The following CA5A variants were observed in gnomAD, a reference collection of about 807,000 sequenced individuals.
CA5A encodes carbonic anhydrase 5A, mitochondrial.
Under a neutral mutation model 37.1 loss-of-function variants are expected in CA5A, and 28 were observed. The ratio of observed to expected loss-of-function variants is 0.75; its 90% CI spans 0.56 to 1.03. CA5A has a LOEUF of 1.03. CA5A is among the 50% of genes least tolerant of loss of function. The probability of loss-of-function intolerance (pLI) is 0.00; values close to 1 mark genes in which losing one functional copy is unlikely to be tolerated. For missense variants in CA5A, 444 were observed against 399.9 expected (o/e 1.11, Z -0.94); for synonymous variants, 171 against 158.4 (o/e 1.08, Z -0.60).
intron 2 of CA5A, among the ~76,000 whole-genome samples, chr16:87,918,568 T>C (rs998523847): frequency 5.9e-5 from 9 of 152,236 alleles, no homozygotes; most frequent in Admixed American, 5.2e-4. Flanking sequence ...GGAAATTTCC[T>C]TGGCCTGTCC....
At chr16:87,933,614 C>T (rs971724908) in intron 1 of CA5A, among the ~76,000 whole-genome samples, 8 of 151,572 alleles carry the variant, frequency 5.3e-5, no homozygotes, top group African/African-American at 1.9e-4. Context: ...AACTCCTGTG[C>T]TTGAGCTGTC....
downstream of CA5A, chr16:87,884,011 G>A (rs2055629095): frequency 6.6e-6 from 1 of 151,996 alleles, no homozygotes; most frequent in South Asian, 2.1e-4. Flanking sequence ...ATTAGCATCT[G>A]CTTATTTTTC....
chr16:87,911,085 G>T lies in CA5A; in HGVS notation c.341-6181C>A, dbSNP rs1242431223. 2.5e-4 allele frequency among the ~76,000 whole-genome samples: 35 copies of T among 138,366 alleles called. No homozygotes were observed. The highest frequency in any genetic ancestry group is 9.8e-4 in the African/African-American group (34 of 34,554). The allele number at this position is 138,366 out of a possible 152,430, so 90.8% of individuals were successfully genotyped here. On this transcript the variant is annotated intron_variant, in intron 2 of 6. Transcript: ENST00000649794. This position sits in a 1 kb window ranked among gnomAD's most constrained non-coding sequence, Gnocchi z 4.6. ...TTCATAATGACAATACAATGTCAGG[G>T]TATTCTCCTTAATCAAAAAAAAAAA...
chr16:87,914,168 C>G (rs917878801), intron 2 of CA5A, among the ~76,000 whole-genome samples: 3 of 152,204 alleles, frequency 2.0e-5, no homozygotes, highest in African/African-American at 7.2e-5. Context: ...ACAATAGGAA[C>G]TTCTCGTATG....
intron 2 of CA5A, among the ~76,000 whole-genome samples, chr16:87,925,819 TCCA>T (rs1205506841): frequency 6.9e-6 from 1 of 145,462 alleles, no homozygotes; most frequent in Non-Finnish European, 1.5e-5. Flanking sequence ...ACCCCGTCCC[TCCA>T]CCACCGTCTC....
At chr16:87,889,521 C>T (rs534664094) in intron 6 of CA5A, among the ~76,000 whole-genome samples, 2 of 152,116 alleles carry the variant, frequency 1.3e-5, no homozygotes, top group East Asian at 3.9e-4. Context: ...CGCCTGTAAT[C>T]CCAGCACTTT....
rs377499957 is a variant in CA5A, at chr16:87,891,916, A to G, written c.657T>C (p.Thr219=). The part of the protein sequence containing the change: ...RAAMRPFDPS[T]LLPTCWDYWT... ...AGTAATCCCAGCAGGTGGGCAGCAG[A>G]GTGGAGGGGTCGAAGGGGCGCATGG... The change falls in exon 6 of 7, where the codon ACT becomes ACC. Residue 219 remains threonine (T), a synonymous_variant. Coordinates refer to ENST00000649794, the MANE Select transcript of CA5A (RefSeq NM_001739.2). 5.8e-6 allele frequency: 9 copies of G among 1,564,672 alleles called. No individual in the cohort carries two copies. The African/African-American group carries it at 1.1e-4, about 19-fold the overall frequency.
In CA5A at chr16:87,936,362, G is replaced by T. The variant is rs533233634; in HGVS notation, c.89C>A (p.Pro30Gln). 3.1e-6 allele frequency: 5 copies of T among 1,613,984 alleles called. No homozygotes were observed. Among genetic ancestry groups the T allele is most frequent in the African/African-American group, 2.7e-5 (2 of 74,988 alleles). The change falls in exon 1 of 7, where the codon CCA (proline) becomes CAA (glutamine). Residue 30 changes from proline to glutamine, a missense_variant. Physicochemically the swap from Pro to Gln is moderately conservative, Grantham distance 76. Transcript: ENST00000649794. Reference protein sequence around the residue: ...WAPLWSRSMRPGRWCSQRSCA... With the variant: ...WAPLWSRSMRQGRWCSQRSCA... ...GGAACGCTGAGAACACCATCGCCCT[G>T]GCCTCATCGAACGACTCCAGAGAGG...
intron 2 of CA5A, among the ~76,000 whole-genome samples, chr16:87,914,781 G>A (rs1202954570): frequency 6.6e-6 from 1 of 152,142 alleles, no homozygotes; most frequent in East Asian, 1.9e-4. Flanking sequence ...GCTTGGGAGG[G>A]GCTGGCATGG....
At chr16:87,888,666 C>A (rs896295809) in intron 6 of CA5A, among the ~76,000 whole-genome samples, 2 of 152,194 alleles carry the variant, frequency 1.3e-5, no homozygotes, top group African/African-American at 2.4e-5. Flanking sequence ...CCAGCTGACA[C>A]TGGGCTACAA....
chr16:87,888,027 C>G lies in CA5A; in HGVS notation c.*102G>C. 2 of 1,482,544 alleles carry G rather than the reference C, an allele frequency of 1.3e-6. No individual in the cohort carries two copies. The highest frequency in any genetic ancestry group is 1.8e-6 in the Non-Finnish European group (2 of 1,108,968). The allele number at this position is 1,482,544 out of a possible 1,614,324, so 91.8% of individuals were successfully genotyped here. A position where few individuals can be genotyped will look rare whatever the true frequency, so the allele number is the denominator to read the frequency against. On this transcript the variant is annotated 3_prime_UTR_variant, in exon 7 of 7. Transcript: ENST00000649794. The stretch of plus-strand genomic sequence containing the variant: ...GACTAAAACAATAACCTCATGCTCT[C>G]TTTTTAATTTCAGAAGTCATGTACA...
chr16:87,881,780 C>G (rs190531655), exon 5 of CA5A: 1 of 152,218 alleles, frequency 6.6e-6, no homozygotes, highest in African/African-American at 2.4e-5. Context: ...GAATCAATGT[C>G]TTTTCCTCTC....
downstream of CA5A, chr16:87,886,577 T>C (rs1010119149): frequency 6.6e-6 from 1 of 152,136 alleles, no homozygotes; most frequent in African/African-American, 2.4e-5. Context: ...GTTGGCTCGG[T>C]GGGGTGGCTA....
chr16:87,910,272 G>T (rs897690732), intron 2 of CA5A, among the ~76,000 whole-genome samples: 2 of 152,190 alleles, frequency 1.3e-5, no homozygotes, highest in Admixed American at 6.5e-5. Flanking sequence ...GAGTGCAGCG[G>T]AGGAGCTGGC....
Position 87,901,994 on chromosome 16 carries a change from G to A in CA5A, c.556-20C>T. 1.2e-6 allele frequency: 2 copies of A among 1,611,340 alleles called. No individual in the cohort carries two copies. The highest frequency in any genetic ancestry group is 1.7e-6 in the Non-Finnish European group (2 of 1,177,662). ...CCCGAGCTGCATGGCAGACAAAGGA[G>A]GGGTTAGCTGCAAAGGCAGTGGATG... On this transcript the variant is annotated intron_variant, in intron 4 of 6. Transcript: ENST00000649794.
intron 2 of CA5A, chr16:87,923,755 C>T: frequency 3.0e-6 from 3 of 985,148 alleles, no homozygotes; most frequent in Non-Finnish European, 3.6e-6. Context: ...GGAAACAAAT[C>T]AGTTATTAAA....
At chr16:87,923,805 G>A (rs908848820) in intron 2 of CA5A, 2 of 985,324 alleles carry the variant, frequency 2.0e-6, no homozygotes, top group East Asian at 1.1e-4. Flanking sequence ...AAATTATCCA[G>A]GAGGAATATG....
intron 2 of CA5A, among the ~76,000 whole-genome samples, chr16:87,909,283 C>A (rs1419324300): frequency 6.6e-6 from 1 of 152,124 alleles, no homozygotes; most frequent in African/African-American, 2.4e-5. Flanking sequence ...CAGGCTGGCT[C>A]GGGGCATCTG....
At chr16:87,902,299 A>G (rs903194925) in intron 4 of CA5A, 126 bp downstream of exon 4, 2 of 662,994 alleles carry the variant, frequency 3.0e-6, no homozygotes, top group Non-Finnish European at 5.4e-6. Context: ...GGTTGCAATG[A>G]GCCGAGACTG....
Sources: gnomAD v4.1 joint callset for allele counts (sites outside exome capture counted in the v4.1 genomes callset) on GRCh38, gnomAD v4.1.1 for gene constraint, Gnocchi (gnomAD v3.1) non-coding constraint, MANE v1.5 for transcripts, NCBI Gene and HGNC (gene_info 2026-07-23, HGNC 2026-07-21) for gene names.